Variants in UBE2E2 observed in about 807,000 individuals in gnomAD.
UBE2E2 encodes the protein ubiquitin conjugating enzyme E2 E2.
Under a neutral mutation model 24.7 loss-of-function variants are expected in UBE2E2, and 6 were observed. The ratio of observed to expected loss-of-function variants is 0.24; its 90% CI spans 0.13 to 0.48. The LOEUF (loss-of-function observed/expected upper bound fraction) is 0.48, where lower values mean the gene tolerates loss of function less well. UBE2E2 is among the 20% of genes least tolerant of loss of function. UBE2E2 has a pLI of 0.99. For missense variants in UBE2E2, 169 were observed against 245.0 expected (o/e 0.69, Z 2.07); for synonymous variants, 104 against 83.6 (o/e 1.24, Z -1.33).
intron 4 of UBE2E2, among the ~76,000 whole-genome samples, chr3:23,501,312 G>A (rs1699716490): frequency 6.6e-6 from 1 of 152,004 alleles, no homozygotes; most frequent in African/African-American, 2.4e-5. Context: ...AACAAAGCTA[G>A]AATAAGCTGG....
At chr3:23,349,593 G>A (rs1000169194) in intron 3 of UBE2E2, among the ~76,000 whole-genome samples, 5 of 152,234 alleles carry the variant, frequency 3.3e-5, no homozygotes, top group African/African-American at 1.2e-4. Context: ...CCCACGCAAG[G>A]CTCGGAGGGT....
intron 5 of UBE2E2, among the ~76,000 whole-genome samples, chr3:23,588,443 G>C (rs900124713): frequency 6.7e-6 from 1 of 148,458 alleles, no homozygotes; most frequent in African/African-American, 2.5e-5. Flanking sequence ...TTTAAAGAGG[G>C]TCTCACTCTG....
At chr3:23,510,103 T>C (rs1694558904) in intron 4 of UBE2E2, among the ~76,000 whole-genome samples, 1 of 152,148 alleles carries the variant, frequency 6.6e-6, no homozygotes, top group Non-Finnish European at 1.5e-5. Flanking sequence ...TCTTAGAGAT[T>C]TGTTCAAGGA....
intron 3 of UBE2E2, among the ~76,000 whole-genome samples, chr3:23,328,329 A>G (rs918348728): frequency 5.3e-5 from 8 of 152,182 alleles, no homozygotes; most frequent in Non-Finnish European, 1.0e-4. Context: ...AATTTTTTTG[A>G]CTTTATGATG....
intron 5 of UBE2E2, among the ~76,000 whole-genome samples, chr3:23,544,866 G>T (rs1181865174): frequency 6.6e-6 from 1 of 152,168 alleles, no homozygotes; most frequent in African/African-American, 2.4e-5. Context: ...TCTCCGAGAG[G>T]GGGATGTGTC....
At chr3:23,494,022 C>T (rs557325549) in intron 3 of UBE2E2, among the ~76,000 whole-genome samples, 1 of 152,172 alleles carries the variant, frequency 6.6e-6, no homozygotes, top group African/African-American at 2.4e-5. Flanking sequence ...AGAAAAATTA[C>T]ACATTTACCC....
chr3:23,388,071 C>A (rs1419173508), intron 3 of UBE2E2, among the ~76,000 whole-genome samples: 1 of 152,102 alleles, frequency 6.6e-6, no homozygotes, highest in Non-Finnish European at 1.5e-5. Flanking sequence ...CTGCTTTTTC[C>A]AAAACACCTG....
At chr3:23,337,098 C>A (rs1402668153) in intron 3 of UBE2E2, among the ~76,000 whole-genome samples, 1 of 150,444 alleles carries the variant, frequency 6.6e-6, no homozygotes, top group Non-Finnish European at 1.5e-5. Context: ...CGAGATCATG[C>A]TACTGCACTC....
At chr3:23,419,435 A>G (rs1697740093) in intron 3 of UBE2E2, among the ~76,000 whole-genome samples, 1 of 152,186 alleles carries the variant, frequency 6.6e-6, no homozygotes, top group African/African-American at 2.4e-5. Flanking sequence ...CATGTAGTAC[A>G]CTTTCTTTAC....
At chr3:23,439,522 G>A (rs1219049392) in intron 3 of UBE2E2, among the ~76,000 whole-genome samples, 1 of 152,156 alleles carries the variant, frequency 6.6e-6, no homozygotes, top group Non-Finnish European at 1.5e-5. Flanking sequence ...CCTGGGGATG[G>A]CTAGCTGCCC....
At chr3:23,234,928 G>A (rs1378398989) in intron 3 of UBE2E2, among the ~76,000 whole-genome samples, 1 of 152,172 alleles carries the variant, frequency 6.6e-6, no homozygotes, top group Admixed American at 6.6e-5. Flanking sequence ...AAGAATGTCA[G>A]GCGCTGATGT....
chr3:23,470,988 A>C (rs537675418), intron 3 of UBE2E2, among the ~76,000 whole-genome samples: 28 of 152,198 alleles, frequency 1.8e-4, no homozygotes, highest in African/African-American at 6.3e-4. Context: ...TTCACACAAA[A>C]ATATTTCATT....
intron 5 of UBE2E2, among the ~76,000 whole-genome samples, chr3:23,543,871 A>G (rs1028543712): frequency 1.2e-4 from 18 of 152,228 alleles, no homozygotes; most frequent in Non-Finnish European, 2.4e-4. Flanking sequence ...AAGTAGATAC[A>G]TAAACCAATG....
intron 5 of UBE2E2, among the ~76,000 whole-genome samples, chr3:23,538,580 C>A (rs1415442619): frequency 1.3e-5 from 2 of 152,118 alleles, no homozygotes; most frequent in Non-Finnish European, 2.9e-5. Context: ...GACACCGTCC[C>A]CTTCCCTCCC....
At chr3:23,443,700 A>G (rs2125410206) in intron 3 of UBE2E2, among the ~76,000 whole-genome samples, 1 of 152,324 alleles carries the variant, frequency 6.6e-6, no homozygotes, top group East Asian at 1.9e-4. Context: ...TGCTGGTTAG[A>G]CAGCTGGACT....
At chr3:23,571,714 A>G (rs989083238) in intron 5 of UBE2E2, among the ~76,000 whole-genome samples, 10 of 152,114 alleles carry the variant, frequency 6.6e-5, no homozygotes, top group African/African-American at 1.9e-4. Flanking sequence ...TAAGCAACTC[A>G]TATCTGATTT....
intron 3 of UBE2E2, among the ~76,000 whole-genome samples, chr3:23,413,094 C>A (rs1259989016): frequency 1.3e-5 from 2 of 150,978 alleles, no homozygotes; most frequent in Non-Finnish European, 2.9e-5. Context: ...ATACCTAATG[C>A]TAAATGAGGA....
chr3:23,312,289 C>T (rs1390497880), intron 3 of UBE2E2, among the ~76,000 whole-genome samples: 1 of 152,080 alleles, frequency 6.6e-6, no homozygotes, highest in Non-Finnish European at 1.5e-5. Flanking sequence ...AATGCGAGAA[C>T]AGACTAATGC....
At chr3:23,305,584 A>T (rs1202046650) in intron 3 of UBE2E2, among the ~76,000 whole-genome samples, 1 of 152,040 alleles carries the variant, frequency 6.6e-6, no homozygotes, top group East Asian at 1.9e-4. Context: ...AATAGTTTTG[A>T]CTTCCTTGAC....
Sources: gnomAD v4.1 joint callset for allele counts (sites outside exome capture counted in the v4.1 genomes callset) on GRCh38, gnomAD v4.1.1 for gene constraint, MANE v1.5 for transcripts, NCBI Gene and HGNC (gene_info 2026-07-23, HGNC 2026-07-21) for gene names.